Variants in PEBP4 observed in about 807,000 individuals in gnomAD.
The protein encoded by PEBP4 is phosphatidylethanolamine-binding protein 4.
PEBP4 carries 22 observed loss-of-function variants against 23.9 expected under a neutral mutation model. That is an observed-to-expected ratio of 0.92 (90% CI 0.66 to 1.31). The LOEUF is 1.31. PEBP4 is among the 40% of genes most tolerant of loss of function. The pLI, the probability that PEBP4 is intolerant of heterozygous loss-of-function variation, is 0.00. For synonymous variants in PEBP4, 112 were observed against 99.3 expected (o/e 1.13, Z -0.76); for missense variants, 324 against 281.7 (o/e 1.15, Z -1.07).
chr8:22,911,578 G>A (rs534895441), intron 3 of PEBP4, among the ~76,000 whole-genome samples: 10 of 152,262 alleles, frequency 6.6e-5, no homozygotes, highest in Admixed American at 3.9e-4. Flanking sequence ...CTCCCCTTTA[G>A]GCCACAACCT....
At position 22,732,058 on chromosome 8, in the gene PEBP4, G is replaced by A. The variant is rs1460135262; in HGVS notation, c.358-4838C>T. Among the ~76,000 whole-genome samples, 4 of 152,030 alleles carry A rather than the reference G, an allele frequency of 2.6e-5. 1 individual carries two copies. The highest frequency in any genetic ancestry group is 1.5e-5 in the Non-Finnish European group (1 of 68,018). On this transcript the variant is annotated intron_variant, in intron 4 of 6. Transcript: ENST00000256404. ...ATGTAGTTCAGTTTCTCATCCTCGAGAACGCTGAAAAGCCCAGGATGGGTT... is the reference window on the plus strand; with the variant it reads ...ATGTAGTTCAGTTTCTCATCCTCGAAAACGCTGAAAAGCCCAGGATGGGTT...
At chr8:22,746,589 C>T (rs570699173) in intron 4 of PEBP4, among the ~76,000 whole-genome samples, 10 of 152,130 alleles carry the variant, frequency 6.6e-5, no homozygotes, top group Non-Finnish European at 1.5e-4. Flanking sequence ...GCCTCTCCCC[C>T]TCCCCTCCTT....
At chr8:22,908,904 C>T (rs71515807) in intron 3 of PEBP4, among the ~76,000 whole-genome samples, 4 of 152,190 alleles carry the variant, frequency 2.6e-5, no homozygotes, top group Non-Finnish European at 1.5e-5. Context: ...GAAGGCACTT[C>T]CAGTTAGCGG....
chr8:22,720,791 C>T (rs1031028838), intron 6 of PEBP4, among the ~76,000 whole-genome samples: 1 of 152,196 alleles, frequency 6.6e-6, no homozygotes, highest in African/African-American at 2.4e-5. Flanking sequence ...TCCCCTGACT[C>T]TCTCAGTGAG....
intron 2 of PEBP4, chr8:22,925,112 C>G: frequency 2.0e-6 from 2 of 985,310 alleles, no homozygotes; most frequent in Non-Finnish European, 2.4e-6. Context: ...GTCCTTGATG[C>G]ATTTTTCATT....
At chr8:22,761,669 A>C (rs1225206395) in intron 4 of PEBP4, among the ~76,000 whole-genome samples, 1 of 152,238 alleles carries the variant, frequency 6.6e-6, no homozygotes, top group Non-Finnish European at 1.5e-5. Flanking sequence ...ACTGCTTTAA[A>C]TGTACTCTTC....
intron 3 of PEBP4, among the ~76,000 whole-genome samples, chr8:22,848,029 GCT>G (rs148288633): frequency 1.3e-5 from 2 of 149,754 alleles, no homozygotes; most frequent in Non-Finnish European, 1.5e-5. Context: ...CAGTGCTAAA[GCT>G]CTCTCTCTCT....
intron 3 of PEBP4, chr8:22,884,661 C>T (rs908871286): frequency 6.6e-6 from 1 of 152,246 alleles, no homozygotes; most frequent in African/African-American, 2.4e-5. Flanking sequence ...GCCATTTCCC[C>T]CAGCCCGGGG....
At position 22,810,707 on chromosome 8, in the gene PEBP4, TGTGTGTGAGA is replaced by T. The variant is rs1417460718; in HGVS notation, c.357+6920_357+6929del. Among the ~76,000 whole-genome samples the T allele has an allele frequency of 4.2e-3, 539 of 127,718 alleles. 3 individuals carry two copies. The highest frequency in any genetic ancestry group is 0.025 in the South Asian group (90 of 3,672). The allele number at this position is 127,718 out of a possible 152,430, so 83.8% of individuals were successfully genotyped here. The stretch of plus-strand genomic sequence containing the variant: ...GTGTGTGTGTGTGTGTGTGTGTGTG[TGTGTGTGAGA>T]GAGAGAGAGAGAAAGAGAAAGAAAG... On this transcript the variant is annotated intron_variant, in intron 4 of 6. Transcript: ENST00000256404.
At chr8:22,924,557 A>C (rs1809283027) in intron 2 of PEBP4, 4 of 647,130 alleles carry the variant, frequency 6.2e-6, no homozygotes, top group Non-Finnish European at 7.7e-6. Context: ...TCCGCACTAC[A>C]ACAGGTAGGG....
Position 22,894,161 on chromosome 8 carries a change from C to T in PEBP4, c.258+26023G>A, listed in dbSNP as rs866723650. Reference sequence around the variant, plus strand: ...GTACCCATTGAAGATAAGAGTTTGGCGGAATTGCACGATAGATTATTATGT... The same window carrying T: ...GTACCCATTGAAGATAAGAGTTTGGTGGAATTGCACGATAGATTATTATGT... On this transcript the variant is annotated intron_variant, in intron 3 of 6. Coordinates refer to ENST00000256404, the MANE Select transcript of PEBP4 (RefSeq NM_144962.3). Among the ~76,000 whole-genome samples, 6 of 151,884 alleles carry T rather than the reference C, an allele frequency of 4.0e-5. No homozygotes were observed. In the East Asian group the frequency reaches 9.6e-4, roughly 24 times the overall value.
At chr8:22,814,746 T>C (rs529333669) in intron 4 of PEBP4, among the ~76,000 whole-genome samples, 5 of 152,238 alleles carry the variant, frequency 3.3e-5, no homozygotes, top group African/African-American at 7.2e-5. Context: ...TGGGTAATGA[T>C]GGTATTTAGG....
intron 3 of PEBP4, among the ~76,000 whole-genome samples, chr8:22,914,592 C>A (rs554304481): frequency 1.3e-5 from 2 of 152,216 alleles, no homozygotes; most frequent in Non-Finnish European, 2.9e-5. Flanking sequence ...CTCACCCAAC[C>A]TCTCTGGCTG....
At chr8:22,880,493 C>T (rs1563247351) in intron 3 of PEBP4, 1 of 152,262 alleles carries the variant, frequency 6.6e-6, no homozygotes, top group Admixed American at 6.5e-5. Context: ...TTTACACTCG[C>T]ATTGACTTCT....
At chr8:22,839,292 C>T (rs917308753) in intron 3 of PEBP4, among the ~76,000 whole-genome samples, 1 of 152,040 alleles carries the variant, frequency 6.6e-6, no homozygotes, top group African/African-American at 2.4e-5. Flanking sequence ...GGTTGGGCTA[C>T]CCAGCTGGGA....
At chr8:22,811,543 T>C (rs1428774910) in intron 4 of PEBP4, among the ~76,000 whole-genome samples, 1 of 151,516 alleles carries the variant, frequency 6.6e-6, no homozygotes, top group African/African-American at 2.4e-5. Flanking sequence ...AAAATAGAGG[T>C]GGGAAATGTT....
At chr8:22,879,157 C>T (rs1808190163) in intron 3 of PEBP4, 2 of 152,252 alleles carry the variant, frequency 1.3e-5, no homozygotes, top group Admixed American at 6.5e-5. Flanking sequence ...CGATGAAGAC[C>T]AGACATGGAG....
chr8:22,799,805 A>C (rs1253766885), intron 4 of PEBP4, among the ~76,000 whole-genome samples: 1 of 152,128 alleles, frequency 6.6e-6, no homozygotes, highest in Non-Finnish European at 1.5e-5. Flanking sequence ...CACGCGGTGT[A>C]AGGATCTAGA....
At chr8:22,846,753 G>A (rs1275892194) in intron 3 of PEBP4, among the ~76,000 whole-genome samples, 2 of 152,204 alleles carry the variant, frequency 1.3e-5, no homozygotes, top group African/African-American at 4.8e-5. Flanking sequence ...CAACACTGGT[G>A]AGTTGCAGAA....
Sources: gnomAD v4.1 joint callset for allele counts (sites outside exome capture counted in the v4.1 genomes callset) on GRCh38, gnomAD v4.1.1 for gene constraint, MANE v1.5 for transcripts, NCBI Gene and HGNC (gene_info 2026-07-23, HGNC 2026-07-21) for gene names.